UPRT: variants seen among roughly 807,000 people sequenced by gnomAD.
UPRT encodes the protein uracil phosphoribosyltransferase homolog.
Under a neutral mutation model 22.6 loss-of-function variants are expected in UPRT, and 5 were observed. The ratio of observed to expected loss-of-function variants is 0.22; its 90% CI spans 0.12 to 0.47. The LOEUF (loss-of-function observed/expected upper bound fraction) is 0.47, where lower values mean the gene tolerates loss of function less well. UPRT is among the 20% of genes least tolerant of loss of function. UPRT has a pLI of 0.99. For synonymous variants in UPRT, 77 were observed against 87.7 expected, an observed-to-expected ratio of 0.88 and a Z score of 0.68; for missense variants, 181 against 239.9, an observed-to-expected ratio of 0.75 and a Z score of 1.62.
intron 4 of UPRT, among the ~76,000 whole-genome samples, chrX:75,170,035 C>CTTT (rs34570333): frequency 1.3e-4 from 7 of 53,387 alleles, no homozygotes; most frequent in African/African-American, 3.9e-4. Flanking sequence ...CGCTCTGTGT[C>CTTT]TTTTTTTTTT....
chrX:75,232,298 G>A (rs1009202466), intron 4 of UPRT, among the ~76,000 whole-genome samples: 1 of 112,653 alleles, frequency 8.9e-6, no homozygotes, highest in African/African-American at 3.2e-5. Context: ...TATGCCCACG[G>A]AGTCTTGCTG....
chrX:75,193,396 A>G (rs1008777718), intron 4 of UPRT, among the ~76,000 whole-genome samples: 20 of 110,785 alleles, frequency 1.8e-4, no homozygotes, highest in African/African-American at 6.2e-4. Context: ...TATCTTTAAC[A>G]TTTTTTCTTT....
chrX:75,287,532 G>A (rs1302786761), intron 1 of UPRT, among the ~76,000 whole-genome samples: 1 of 111,321 alleles, frequency 9.0e-6, no homozygotes, highest in African/African-American at 3.3e-5. Flanking sequence ...ACAGCCCCAG[G>A]AAATGTTAAA....
upstream of UPRT, among the ~76,000 whole-genome samples, chrX:75,273,210 A>G (rs1436027404): frequency 9.0e-6 from 1 of 111,241 alleles, no homozygotes; most frequent in African/African-American, 3.3e-5. Context: ...AGGATCAGGA[A>G]AGACAACTAG....
At position 75,299,852 on chromosome X, in the gene UPRT, C is replaced by A. The variant is rs1329795642; in HGVS notation, c.680C>A (p.Pro227Gln). ...RAKVYYAKFPPDIYRRKVLLM... is the reference protein window; with the variant it reads ...RAKVYYAKFPQDIYRRKVLLM... ...AAAGTATATTATGCCAAATTCCCCC[C>A]AGACATTTACCGGAGAAAAGTCCTT... is the stretch of plus-strand genomic sequence containing the variant. Residue 227 changes from proline to glutamine, a missense_variant, in exon 5 of 7, where the codon CCA (proline) becomes CAA (glutamine). By Grantham distance (76) the Pro-to-Gln change is moderately conservative. Transcript: ENST00000373383. 15 of 1,209,971 alleles carry A rather than the reference C, an allele frequency of 1.2e-5. No individual in the cohort carries two copies. Among genetic ancestry groups the A allele is most frequent in the Non-Finnish European group, 1.7e-5 (15 of 895,186 alleles).
intron 1 of UPRT, among the ~76,000 whole-genome samples, chrX:75,279,916 G>A (rs980335813): frequency 1.3e-4 from 14 of 111,231 alleles, no homozygotes; most frequent in African/African-American, 4.6e-4. Context: ...CCATTCATGA[G>A]TTACATCACT....
intron 4 of UPRT, among the ~76,000 whole-genome samples, chrX:75,221,213 T>G (rs986355939): frequency 1.6e-4 from 18 of 111,202 alleles, no homozygotes; most frequent in African/African-American, 6.5e-5. Flanking sequence ...TTGTTTGTTT[T>G]TTTTTTCTTT....
At position 75,164,953 on chromosome X, in the gene UPRT, A is replaced by C. The variant is rs1341953456; in HGVS notation, c.-521+1728A>C. ...AGGTTCAAATGAAGTAATTATGATA[A>C]ATTGTTTTGTAAACTTCAAAATGCT... On this transcript the variant is annotated intron_variant, in intron 3 of 13. Coordinates refer to the UPRT transcript ENST00000652605. Among the ~76,000 whole-genome samples the C allele has an allele frequency of 3.7e-5, 4 of 107,497 alleles. No homozygotes were observed. In the East Asian group the frequency reaches 1.5e-3, roughly 41 times the overall value. 93.3% of individuals were successfully genotyped at this position (107,497 alleles called of 115,157 possible).
chrX:75,237,624 AATG>A (rs1392866162), intron 4 of UPRT, among the ~76,000 whole-genome samples: 11 of 110,676 alleles, frequency 9.9e-5, no homozygotes, highest in Non-Finnish European at 1.7e-4. Context: ...AGCCATAAAA[AATG>A]ATGAATTCAT....
chrX:75,291,393 CT>C, intron 1 of UPRT: 1 of 321,490 alleles, frequency 3.1e-6, no homozygotes, highest in Middle Eastern at 4.5e-4. Flanking sequence ...TCTTTCAAAG[CT>C]TTTTTTCCAG....
chrX:75,235,235 A>C (rs1272428868), intron 4 of UPRT, among the ~76,000 whole-genome samples: 1 of 111,904 alleles, frequency 8.9e-6, no homozygotes, highest in East Asian at 2.8e-4. Context: ...AGACTAAACC[A>C]GGAAGAAGTT....
At chrX:75,181,947 G>T (rs756742945) in intron 4 of UPRT, among the ~76,000 whole-genome samples, 21 of 111,787 alleles carry the variant, frequency 1.9e-4, no homozygotes, top group Non-Finnish European at 5.6e-5. Context: ...AATTCTTCCA[G>T]CATTTGCTCA....
chrX:75,251,445 G>T (rs910989704), intron 4 of UPRT, among the ~76,000 whole-genome samples: 17 of 111,163 alleles, frequency 1.5e-4, no homozygotes, highest in Non-Finnish European at 3.0e-4. Context: ...CAAATCATGA[G>T]TGAACTCCCA....
intron 4 of UPRT, among the ~76,000 whole-genome samples, chrX:75,248,490 G>A (rs1346017292): frequency 1.8e-5 from 2 of 111,798 alleles, no homozygotes; most frequent in African/African-American, 6.5e-5. Context: ...GAAATGAAGT[G>A]TGAAGAGAAG....
intron 4 of UPRT, among the ~76,000 whole-genome samples, chrX:75,194,796 C>A (rs1206158235): frequency 1.8e-5 from 2 of 110,879 alleles, no homozygotes; most frequent in Non-Finnish European, 3.8e-5. Context: ...TGACCAGAGT[C>A]CTCTTTGTGC....
chrX:75,269,136 GA>G (rs199714908), upstream of UPRT, among the ~76,000 whole-genome samples: 3,321 of 111,325 alleles, frequency 0.03, 123 homozygotes, highest in African/African-American at 0.1. Context: ...ACCAAATAAT[GA>G]GTGAACTCCT....
In UPRT at chrX:75,284,720, C is replaced by T. The variant is rs1230713436; in HGVS notation, c.387-8752C>T. 9.9e-5 allele frequency among the ~76,000 whole-genome samples: 11 copies of T among 111,410 alleles called. No individual in the cohort carries two copies. The East Asian group carries it at 3.1e-3, about 32-fold the overall frequency. Reference sequence around the variant, plus strand: ...AGGTGGCAGGGGGGGGTGCAGTGGACTCCATTATGGTTTTTAGCTTTGGTG... The same window carrying T: ...AGGTGGCAGGGGGGGGTGCAGTGGATTCCATTATGGTTTTTAGCTTTGGTG... On this transcript the variant is annotated intron_variant, in intron 1 of 6. Transcript: ENST00000373383.
intron 4 of UPRT, among the ~76,000 whole-genome samples, chrX:75,175,057 C>A (rs2082242515): frequency 9.0e-6 from 1 of 110,603 alleles, no homozygotes; most frequent in African/African-American, 3.3e-5. Context: ...TCTTTCCTTA[C>A]TTCTGCCAGC....
At chrX:75,192,109 A>T (rs1333226147) in intron 4 of UPRT, among the ~76,000 whole-genome samples, 1 of 111,786 alleles carries the variant, frequency 8.9e-6, no homozygotes, top group Non-Finnish European at 1.9e-5. Context: ...AACCGCGTAT[A>T]ACCTTCCTTC....
Sources: allele counts gnomAD v4.1 joint callset (sites outside exome capture counted in the v4.1 genomes callset), GRCh38; gene constraint gnomAD v4.1.1; transcripts MANE v1.5; gene names NCBI Gene and HGNC (gene_info 2026-07-23, HGNC 2026-07-21).